Variants in RBFOX1 observed in about 807,000 individuals in gnomAD.
RBFOX1 encodes the protein RNA binding fox-1 homolog 1.
RBFOX1 carries 8 observed loss-of-function variants against 57.7 expected under a neutral mutation model. The observed-to-expected ratio is 0.14, with a 90% CI of 0.08 to 0.25. The LOEUF is 0.25. Ranked by LOEUF, RBFOX1 falls within the 10% of genes least tolerant of loss-of-function variation. RBFOX1 has a pLI of 1.00. For synonymous variants in RBFOX1, 326 were observed against 222.4 expected (o/e 1.47, Z -4.15); for missense variants, 611 against 548.5 (o/e 1.11, Z -1.14).
chr16:7,123,686 T>C (rs1300235756), intron 4 of RBFOX1, among the ~76,000 whole-genome samples: 2 of 152,116 alleles, frequency 1.3e-5, no homozygotes, highest in African/African-American at 4.8e-5. Context: ...TTAAAAGCCA[T>C]ATGTTAGGAG....
At chr16:6,066,277 G>A (rs2095760255) in intron 1 of RBFOX1, among the ~76,000 whole-genome samples, 1 of 101,624 alleles carries the variant, frequency 9.8e-6, no homozygotes, top group Non-Finnish European at 1.7e-5. Context: ...CCTGACTACA[G>A]AGCAAGACTC....
intron 2 of RBFOX1, among the ~76,000 whole-genome samples, chr16:6,518,764 TATCTATCC>T (rs1250587781): frequency 6.6e-6 from 1 of 151,278 alleles, no homozygotes; most frequent in South Asian, 2.1e-4. Flanking sequence ...TCTATCCATC[TATCTATCC>T]ATCTGTCTGT....
chr16:6,291,910 T>C (rs2077504882), intron 1 of RBFOX1, among the ~76,000 whole-genome samples: 1 of 152,130 alleles, frequency 6.6e-6, no homozygotes, highest in Admixed American at 6.5e-5. Context: ...AACATGTCTT[T>C]ATAATCTTTC....
chr16:6,112,157 G>A lies in RBFOX1; in HGVS notation c.-127+92165G>A, dbSNP rs185263572. 2.4e-3 allele frequency among the ~76,000 whole-genome samples: 360 copies of A among 152,230 alleles called. 3 individuals are homozygous for A. Among genetic ancestry groups the A allele is most frequent in the African/African-American group, 8.3e-3 (346 of 41,534 alleles). ...CTAGCTGGAGCCAATTAACCATTAA[G>A]TTCTTCATTGTTATGAAGAAGGTAA... On this transcript the variant is annotated intron_variant, in intron 1 of 15. Coordinates refer to ENST00000550418, the MANE Select transcript of RBFOX1 (RefSeq NM_018723.4).
At chr16:7,695,587 G>A (rs1316376717) in intron 14 of RBFOX1, among the ~76,000 whole-genome samples, 1 of 148,472 alleles carries the variant, frequency 6.7e-6, no homozygotes, top group Non-Finnish European at 1.5e-5. Context: ...GGGAGGCGGA[G>A]GTTGCAGTGA....
chr16:7,194,634 G>C (rs1360572211), intron 4 of RBFOX1, among the ~76,000 whole-genome samples: 1 of 152,114 alleles, frequency 6.6e-6, no homozygotes, highest in Non-Finnish European at 1.5e-5. Flanking sequence ...CATTTAGAAA[G>C]TGGTGAATTT....
At chr16:6,962,845 G>A (rs1400809320) in intron 3 of RBFOX1, among the ~76,000 whole-genome samples, 2 of 148,908 alleles carry the variant, frequency 1.3e-5, no homozygotes, top group African/African-American at 4.9e-5. Flanking sequence ...AGCCTGGGCG[G>A]CAGAATGAGA....
At chr16:6,598,668 C>A (rs2097804051) in intron 2 of RBFOX1, among the ~76,000 whole-genome samples, 1 of 152,158 alleles carries the variant, frequency 6.6e-6, no homozygotes, top group Non-Finnish European at 1.5e-5. Context: ...TAGTGGCTGG[C>A]TGGGCGTGGT....
intron 2 of RBFOX1, among the ~76,000 whole-genome samples, chr16:6,598,451 T>C (rs9931551): frequency 0.095 from 14,433 of 152,236 alleles, 2,062 homozygotes; most frequent in African/African-American, 0.31. Flanking sequence ...ATGTTCTTGT[T>C]ATCTCCCAGT....
At chr16:6,955,492 T>C (rs986197613) in intron 3 of RBFOX1, among the ~76,000 whole-genome samples, 2 of 151,910 alleles carry the variant, frequency 1.3e-5, no homozygotes, top group Admixed American at 1.3e-4. Context: ...AGGCAAGATA[T>C]GAATCTCACG....
chr16:6,743,339 T>C (rs767758443), intron 3 of RBFOX1, among the ~76,000 whole-genome samples: 7 of 152,208 alleles, frequency 4.6e-5, no homozygotes, highest in Non-Finnish European at 8.8e-5. Context: ...ACATTAAATA[T>C]TAATGTTCTA....
intron 1 of RBFOX1, among the ~76,000 whole-genome samples, chr16:6,106,303 C>A (rs1056386493): frequency 6.6e-6 from 1 of 150,442 alleles, no homozygotes; most frequent in African/African-American, 2.4e-5. Context: ...AGTAAAAATA[C>A]AAAAAAAATT....
intron 3 of RBFOX1, among the ~76,000 whole-genome samples, chr16:7,046,936 C>T (rs1371169860): frequency 6.6e-6 from 1 of 151,768 alleles, no homozygotes; most frequent in Non-Finnish European, 1.5e-5. Flanking sequence ...TATTGTATAT[C>T]CATAAATTAA....
chr16:7,510,236 G>A (rs1031788107), intron 4 of RBFOX1: 1 of 985,796 alleles, frequency 1.0e-6, no homozygotes, highest in African/African-American at 1.7e-5. Flanking sequence ...GGCGTGCTTG[G>A]GGCAGATGCT....
At chr16:6,466,922 C>G (rs949910610) in intron 2 of RBFOX1, among the ~76,000 whole-genome samples, 5 of 151,882 alleles carry the variant, frequency 3.3e-5, no homozygotes, top group African/African-American at 1.2e-4. Flanking sequence ...CTTAATATAA[C>G]TAAATGCAGC....
At chr16:6,925,302 T>C (rs1438159964) in intron 3 of RBFOX1, among the ~76,000 whole-genome samples, 1 of 149,404 alleles carries the variant, frequency 6.7e-6, no homozygotes, top group Non-Finnish European at 1.5e-5. Context: ...CCCATTTAAC[T>C]TTTGTAGAGA....
At chr16:6,880,011 T>C (rs1380828879) in intron 3 of RBFOX1, among the ~76,000 whole-genome samples, 3 of 152,204 alleles carry the variant, frequency 2.0e-5, no homozygotes, top group Non-Finnish European at 4.4e-5. Context: ...TAATCTTTCA[T>C]ACTTGAAGCG....
At chr16:6,778,003 T>C (rs2079672357) in intron 3 of RBFOX1, among the ~76,000 whole-genome samples, 1 of 152,160 alleles carries the variant, frequency 6.6e-6, no homozygotes, top group Non-Finnish European at 1.5e-5. Flanking sequence ...CATATAAATA[T>C]ACATTTATGC....
chr16:5,375,163 TC>T, intron 1 of RBFOX1, among the ~76,000 whole-genome samples: 1 of 150,258 alleles, frequency 6.7e-6, no homozygotes, highest in African/African-American at 2.5e-5. Flanking sequence ...TAAACCGATC[TC>T]TTCGAGGGAC....
Sources: allele counts gnomAD v4.1 joint callset (sites outside exome capture counted in the v4.1 genomes callset), GRCh38; gene constraint gnomAD v4.1.1; transcripts MANE v1.5; gene names NCBI Gene and HGNC (gene_info 2026-07-23, HGNC 2026-07-21).